SPATA6: variants seen among roughly 807,000 people sequenced by gnomAD.
The protein encoded by SPATA6 is spermatogenesis-associated protein 6.
A neutral mutation model predicts 65.3 loss-of-function variants in SPATA6; 56 were observed. That is an observed-to-expected ratio of 0.86 (90% confidence interval 0.69 to 1.07). The LOEUF is 1.07. Among genes scored for constraint, SPATA6 ranks in the 50% least tolerant of loss-of-function variants. The pLI, the probability that SPATA6 is intolerant of heterozygous loss-of-function variation, is 0.00. For missense variants in SPATA6, 590 were observed against 594.8 expected (o/e 0.99, Z 0.08); for synonymous variants, 199 against 213.2 (o/e 0.93, Z 0.58).
At chr1:48,286,219 A>G in the SPATA6 span, among the ~76,000 whole-genome samples, 2 of 151,790 alleles carry the variant, frequency 1.3e-5, no homozygotes, top group Non-Finnish European at 2.9e-5. Context: ...AAAAAATGCC[A>G]TTGGGATTTT....
At chr1:48,277,956 C>G in the SPATA6 span, among the ~76,000 whole-genome samples, 12 of 152,196 alleles carry the variant, frequency 7.9e-5, no homozygotes, top group Non-Finnish European at 1.6e-4. Context: ...TGACACCTCA[C>G]ATGGCCAGGT....
At chr1:48,280,692 T>C in the SPATA6 span, among the ~76,000 whole-genome samples, 1 of 152,248 alleles carries the variant, frequency 6.6e-6, no homozygotes, top group East Asian at 1.9e-4. Context: ...CAATAATCAA[T>C]AGCTTACCAA....
chr1:48,370,798 T>C (rs1430990631), intron 9 of SPATA6, among the ~76,000 whole-genome samples: 1 of 152,122 alleles, frequency 6.6e-6, no homozygotes, highest in Admixed American at 6.6e-5. Flanking sequence ...ATATGAGGGA[T>C]CTATGGCAGA....
chr1:48,387,151 T>A (rs941122137), intron 8 of SPATA6, among the ~76,000 whole-genome samples: 1 of 152,096 alleles, frequency 6.6e-6, no homozygotes, highest in African/African-American at 2.4e-5. Context: ...CTCCTCTTTT[T>A]AAAATCATTA....
At chr1:48,435,597 T>C (rs909835211) in intron 3 of SPATA6, among the ~76,000 whole-genome samples, 17 of 151,264 alleles carry the variant, frequency 1.1e-4, no homozygotes, top group African/African-American at 3.2e-4. Flanking sequence ...AGCTGAAGGA[T>C]TGTGAATGCA....
At chr1:48,283,285 T>G in the SPATA6 span, among the ~76,000 whole-genome samples, 1 of 151,816 alleles carries the variant, frequency 6.6e-6, no homozygotes, top group Admixed American at 6.6e-5. Context: ...TATACATATG[T>G]AACTAACCTG....
the SPATA6 span, among the ~76,000 whole-genome samples, chr1:48,267,009 C>T: frequency 4.7e-4 from 72 of 151,966 alleles, no homozygotes; most frequent in Admixed American, 1.4e-3. Flanking sequence ...ATATTAGGAG[C>T]TATGCTAAGT....
chr1:48,274,206 T>A, the SPATA6 span, among the ~76,000 whole-genome samples: 2 of 152,194 alleles, frequency 1.3e-5, no homozygotes, highest in Non-Finnish European at 2.9e-5. Flanking sequence ...TTTTTTCTTG[T>A]AATTTTATTT....
the SPATA6 span, among the ~76,000 whole-genome samples, chr1:48,283,697 A>AACAAAGAAAGAAAGAAAGAAAGAAAG: frequency 8.3e-5 from 1 of 12,002 alleles, no homozygotes; most frequent in East Asian, 3.0e-3. Context: ...AAAAAAAAAA[A>AACAAAGAAAGAAAGAAAGAAAGAAAG]AAAGAAAGAA....
At chr1:48,272,704 T>C in the SPATA6 span, among the ~76,000 whole-genome samples, 10 of 152,164 alleles carry the variant, frequency 6.6e-5, no homozygotes, top group Non-Finnish European at 1.2e-4. Context: ...TACCCAGAAG[T>C]GAAATTGTTG....
At chr1:48,420,392 C>A (rs1373765971) in intron 3 of SPATA6, among the ~76,000 whole-genome samples, 3 of 152,180 alleles carry the variant, frequency 2.0e-5, no homozygotes, top group Non-Finnish European at 4.4e-5. Flanking sequence ...ATCACGGGAA[C>A]CCCAACTTCA....
intron 9 of SPATA6, among the ~76,000 whole-genome samples, chr1:48,361,127 T>G (rs1392994449): frequency 6.6e-6 from 1 of 152,104 alleles, no homozygotes; most frequent in African/African-American, 2.4e-5. Flanking sequence ...TAAATGGTAT[T>G]TAGAGGTATT....
chr1:48,414,167 A>G (rs938603295), intron 3 of SPATA6, among the ~76,000 whole-genome samples: 5 of 152,210 alleles, frequency 3.3e-5, no homozygotes, highest in African/African-American at 1.2e-4. Flanking sequence ...GTGAGAGATT[A>G]AAACTCCAGA....
chr1:48,391,812 T>C (rs1382121091), intron 8 of SPATA6, among the ~76,000 whole-genome samples: 1 of 151,908 alleles, frequency 6.6e-6, no homozygotes, highest in Non-Finnish European at 1.5e-5. Context: ...TACCAGAGAG[T>C]AATCTCTCAA....
intron 6 of SPATA6, among the ~76,000 whole-genome samples, chr1:48,402,316 T>C (rs1160262251): frequency 4.6e-5 from 7 of 152,110 alleles, no homozygotes; most frequent in African/African-American, 1.7e-4. Context: ...GTGTATGCTA[T>C]ATTTCAGACA....
rs1484386733 is a variant in SPATA6 at position 48,296,650 on chromosome 1, AT to A, written c.*2062del. ...TCCATGGAAAAACACTGAGGATATA[AT>A]TTTTTTAAAAGAGCATTATTCAATG... is the stretch of plus-strand genomic sequence containing the variant. On this transcript the variant is annotated 3_prime_UTR_variant, in exon 13 of 13. Coordinates refer to ENST00000371847, the MANE Select transcript of SPATA6 (RefSeq NM_019073.4). The A allele has an allele frequency of 6.6e-6, 1 of 152,218 alleles. No individual in the cohort carries two copies. The highest frequency in any genetic ancestry group is 2.4e-5 in the African/African-American group (1 of 41,532). The allele number at this position is 152,218 out of a possible 1,614,324, so 9.4% of individuals were successfully genotyped here.
intron 9 of SPATA6, among the ~76,000 whole-genome samples, chr1:48,370,065 T>C (rs534172328): frequency 3.9e-5 from 6 of 152,318 alleles, no homozygotes; most frequent in African/African-American, 1.2e-4. Context: ...ACAAATCATA[T>C]TATTGGCCAT....
chr1:48,445,223 T>A (rs1329180159), intron 3 of SPATA6, among the ~76,000 whole-genome samples: 1 of 152,134 alleles, frequency 6.6e-6, no homozygotes, highest in African/African-American at 2.4e-5. Context: ...TTTAAATGGG[T>A]TATTTCTGTC....
intron 10 of SPATA6, among the ~76,000 whole-genome samples, chr1:48,357,293 A>C (rs1311023479): frequency 6.6e-6 from 1 of 152,154 alleles, no homozygotes; most frequent in African/African-American, 2.4e-5. Flanking sequence ...CAACTTCTGA[A>C]ATATAACACT....
Sources: allele counts gnomAD v4.1 joint callset (sites outside exome capture counted in the v4.1 genomes callset), GRCh38; gene constraint gnomAD v4.1.1; transcripts MANE v1.5; gene names NCBI Gene and HGNC (gene_info 2026-07-23, HGNC 2026-07-21).